The following TTF1 variants were observed in gnomAD, a reference collection of about 807,000 sequenced individuals.
TTF1 encodes transcription termination factor 1, also known as transcription termination factor, RNA polymerase I.
Under a neutral mutation model 80.2 loss-of-function variants are expected in TTF1, and 64 were observed. The ratio of observed to expected loss-of-function variants is 0.80; its 90% CI spans 0.65 to 0.98. The LOEUF (loss-of-function observed/expected upper bound fraction) is 0.98, where lower values mean the gene tolerates loss of function less well. TTF1 is among the 50% of genes least tolerant of loss of function. The probability of loss-of-function intolerance (pLI) is 0.00; values close to 1 mark genes in which losing one functional copy is unlikely to be tolerated. For missense variants in TTF1, 1,023 were observed against 1,086.2 expected, an observed-to-expected ratio of 0.94 and a Z score of 0.82; for synonymous variants, 372 against 382.7, an observed-to-expected ratio of 0.97 and a Z score of 0.33.
intron 7 of TTF1, among the ~76,000 whole-genome samples, chr9:132,389,975 A>C (rs579081): frequency 0.85 from 129,360 of 151,924 alleles, 55,761 homozygotes; most frequent in East Asian, 0.94. Context: ...TTTTCTCTCT[A>C]TATATTTTTT....
intron 5 of TTF1, among the ~76,000 whole-genome samples, chr9:132,392,919 T>C (rs1301327190): frequency 6.6e-6 from 1 of 152,218 alleles, no homozygotes; most frequent in African/African-American, 2.4e-5. Flanking sequence ...TATCAAAAAA[T>C]ATCAACGATG....
intron 8 of TTF1, among the ~76,000 whole-genome samples, chr9:132,387,201 T>C (rs1849484328): frequency 6.6e-6 from 1 of 152,174 alleles, no homozygotes; most frequent in African/African-American, 2.4e-5. Context: ...TCCTCCTGCC[T>C]TGGCCTCCCA....
chr9:132,379,565 G>A (rs112927465), intron 9 of TTF1, among the ~76,000 whole-genome samples: 1 of 152,154 alleles, frequency 6.6e-6, no homozygotes, highest in Non-Finnish European at 1.5e-5. Flanking sequence ...CCCTCGTGCT[G>A]GAGAGACGAG....
rs755625370 is a variant in TTF1, at chr9:132,388,145, A to G, written c.2306T>C (p.Ile769Thr). ...MNALRAKVSL[I>T]ERLYEINVED... ...CCGTTTCTATTTTTCATACCTTTCA[A>G]TAAGGCTGACCTTGGCCCGCAGGGC... The change falls in exon 8 of 11, where the codon ATT (isoleucine) becomes ACT (threonine). Residue 769 changes from isoleucine (I) to threonine (T), a missense_variant. Coordinates refer to ENST00000334270, the MANE Select transcript of TTF1 (RefSeq NM_007344.4). 3.7e-6 allele frequency: 6 copies of G among 1,610,482 alleles called. No individual in the cohort carries two copies. The highest frequency in any genetic ancestry group is 2.7e-5 in the African/African-American group (2 of 74,814).
chr9:132,393,860 T>C (rs1335906813), intron 5 of TTF1, among the ~76,000 whole-genome samples: 1 of 152,196 alleles, frequency 6.6e-6, no homozygotes, highest in South Asian at 2.1e-4. Context: ...CATCTTCAGA[T>C]TCCTATCTGA....
Position 132,378,131 on chromosome 9 carries a change from T to G in TTF1, c.2464+928A>C, listed in dbSNP as rs866777295. Among the ~76,000 whole-genome samples the G allele has an allele frequency of 1.1e-4, 11 of 102,228 alleles. No individual in the cohort carries two copies. In the South Asian group the frequency reaches 3.4e-3, roughly 32 times the overall value. 67.1% of individuals were successfully genotyped at this position (102,228 alleles called of 152,430 possible). On this transcript the variant is annotated intron_variant, in intron 10 of 10. Transcript: ENST00000334270. ...GGTGTGTGTGAGTGCATGCATGTGGTGTGTGTGAGTGCATGTGGTGTGTGT... is the reference window on the plus strand; with the variant it reads ...GGTGTGTGTGAGTGCATGCATGTGGGGTGTGTGAGTGCATGTGGTGTGTGT...
Position 132,402,442 on chromosome 9 carries a change from C to A in TTF1, c.380G>T (p.Cys127Phe). 1 of 1,614,210 alleles carries A rather than the reference C, an allele frequency of 6.2e-7. No homozygotes were observed. Among genetic ancestry groups the A allele is most frequent in the Non-Finnish European group, 8.5e-7 (1 of 1,180,048 alleles). The change falls in exon 2 of 11, where the codon TGT (cysteine) becomes TTT (phenylalanine). Residue 127 changes from cysteine to phenylalanine, a missense_variant. Coordinates refer to ENST00000334270, the MANE Select transcript of TTF1 (RefSeq NM_007344.4). ...CTTCTGTTCTATGCTCATATCAACA[C>A]AAACAACATCAACATCCTTTCTAAA... ...KHFRKDVDVV[C>F]VDMSIEQKLP...
intron 8 of TTF1, among the ~76,000 whole-genome samples, chr9:132,386,886 C>T (rs573595956): frequency 2.2e-4 from 34 of 151,750 alleles, no homozygotes; most frequent in African/African-American, 7.5e-4. Context: ...TGCTTTCTCA[C>T]AGTAAAAAAC....
chr9:132,398,144 T>C lies in TTF1; in HGVS notation c.1774A>G (p.Ile592Val), dbSNP rs748280924. Residue 592 changes from isoleucine to valine, a missense_variant, in exon 4 of 11, where the codon ATT becomes GTT. Coordinates refer to ENST00000334270, the MANE Select transcript of TTF1 (RefSeq NM_007344.4). ...LKRRYSFRLH[I>V]GRNIARPWKL... ...GGGTGATTGTTTCTAAACTTACCAA[T>C]GTGTAATCTAAACGAGTATCTCCTT... The C allele has an allele frequency of 8.9e-6, 14 of 1,577,324 alleles. No homozygotes were observed. The South Asian group carries it at 9.4e-5, about 11-fold the overall frequency.
chr9:132,379,712 C>A (rs1849334455), intron 9 of TTF1, among the ~76,000 whole-genome samples: 1 of 152,208 alleles, frequency 6.6e-6, no homozygotes, highest in East Asian at 1.9e-4. Context: ...GGTCACAATT[C>A]AAAGACAGAT....
intron 1 of TTF1, among the ~76,000 whole-genome samples, chr9:132,406,049 G>A (rs1437401709): frequency 1.3e-5 from 2 of 152,184 alleles, no homozygotes; most frequent in African/African-American, 4.8e-5. Flanking sequence ...GGCTTCTTGA[G>A]GGCTGGAATC....
At chr9:132,383,555 T>C (rs1451425485) in intron 9 of TTF1, among the ~76,000 whole-genome samples, 2 of 152,158 alleles carry the variant, frequency 1.3e-5, no homozygotes, top group Admixed American at 6.6e-5. Flanking sequence ...GAGGCGACTA[T>C]GGGTAAAGGG....
rs1564186668 is a variant in TTF1 at position 132,390,785 on chromosome 9, G to T, written c.2034C>A (p.Ile678=). The T allele has an allele frequency of 1.2e-6, 2 of 1,614,122 alleles. No homozygotes were observed. The highest frequency in any genetic ancestry group is 1.7e-5 in the Admixed American group (1 of 60,014). Residue 678 remains isoleucine (I), a synonymous_variant, in exon 7 of 11, where the codon ATC becomes ATA. Coordinates refer to ENST00000334270, the MANE Select transcript of TTF1 (RefSeq NM_007344.4). ...TCAGAATCACTTCTTCGACAGCCTTGATTAGTTTCCGGGTTTCAGACTTAC... is the reference window on the plus strand; with the variant it reads ...TCAGAATCACTTCTTCGACAGCCTTTATTAGTTTCCGGGTTTCAGACTTAC... ...AWSKSETRKL[I]KAVEEVILKK... is the part of the protein sequence containing the mutation.
chr9:132,376,107 C>A lies in TTF1; in HGVS notation c.2526G>T (p.Met842Ile). The A allele has an allele frequency of 6.2e-7, 1 of 1,614,188 alleles. No individual in the cohort carries two copies. The part of the protein sequence containing the change: ...LPLLKEKLEK[M>I]MEKKGTKIQT... ...GGATTTTAGTGCCTTTTTTCTCCAT[C>A]ATTTTTTCTAACTTTTCCTTCAGCA... is the stretch of plus-strand genomic sequence containing the variant. The change falls in exon 11 of 11, where the codon ATG becomes ATT. Residue 842 changes from methionine (M) to isoleucine (I), a missense_variant. Met to Ile is a conservative substitution (Grantham distance 10, BLOSUM62 1). Transcript: ENST00000334270.
chr9:132,397,765 T>A (rs920973858), intron 4 of TTF1, among the ~76,000 whole-genome samples: 28 of 152,104 alleles, frequency 1.8e-4, no homozygotes, highest in African/African-American at 6.8e-4. Flanking sequence ...GGCAGGCGGA[T>A]CACGAGGTCA....
At chr9:132,401,402 A>G in intron 2 of TTF1, 53 bp downstream of exon 2, 3 of 1,531,826 alleles carry the variant, frequency 2.0e-6, no homozygotes, top group Non-Finnish European at 2.6e-6. Context: ...AGGTATCGGC[A>G]GAATCCATAC....
At chr9:132,396,410 A>G in intron 5 of TTF1, 23 bp downstream of exon 5, 1 of 1,610,028 alleles carries the variant, frequency 6.2e-7, no homozygotes. Context: ...TGTTGTCTCA[A>G]GCTGCTAAGA....
chr9:132,406,588 G>A (rs1334649753), intron 1 of TTF1, among the ~76,000 whole-genome samples: 5 of 138,952 alleles, frequency 3.6e-5, no homozygotes, highest in African/African-American at 1.4e-4. Context: ...GGCGACAAGA[G>A]CAAAACTCCA....
intron 1 of TTF1, among the ~76,000 whole-genome samples, chr9:132,403,256 G>A (rs1849801599): frequency 1.3e-5 from 2 of 152,148 alleles, no homozygotes; most frequent in Admixed American, 6.5e-5. Flanking sequence ...ACAAATTTCA[G>A]ATTATTCTAG....
Sources: allele counts gnomAD v4.1 joint callset (sites outside exome capture counted in the v4.1 genomes callset), GRCh38; gene constraint gnomAD v4.1.1; transcripts MANE v1.5; gene names NCBI Gene and HGNC (gene_info 2026-07-23, HGNC 2026-07-21).